Variants in NISCH observed in about 807,000 individuals in gnomAD.
NISCH encodes the protein nischarin.
A neutral mutation model predicts 138.4 loss-of-function variants in NISCH; 55 were observed. The ratio of observed to expected loss-of-function variants is 0.40; its 90% confidence interval spans 0.32 to 0.50. The LOEUF (loss-of-function observed/expected upper bound fraction) is 0.50. NISCH is among the 20% of genes least tolerant of loss of function. NISCH has a pLI of 0.71. For synonymous variants in NISCH, 860 were observed against 861.5 expected, an observed-to-expected ratio of 1.00 and a Z score of 0.03; for missense variants, 1,643 against 2,005.5, an observed-to-expected ratio of 0.82 and a Z score of 3.45.
chr3:52,480,626 G>A (rs931400483), intron 13 of NISCH: 23 of 1,425,830 alleles, frequency 1.6e-5, no homozygotes, highest in African/African-American at 4.3e-5. Flanking sequence ...TTCCCTCACC[G>A]GCAGCACAAG....
chr3:52,455,869 C>A (rs974188220), intron 1 of NISCH, 135 bp downstream of exon 1: 3 of 586,626 alleles, frequency 5.1e-6, no homozygotes, highest in African/African-American at 2.0e-5. Context: ...GAGGAGGGGG[C>A]TGGGACGGGG....
intron 14 of NISCH, among the ~76,000 whole-genome samples, chr3:52,485,156 G>T (rs926558440): frequency 1.4e-4 from 22 of 152,136 alleles, no homozygotes; most frequent in African/African-American, 4.8e-4. Context: ...TTTGTCCTGA[G>T]GAAAGACAGG....
chr3:52,480,532 G>C, intron 13 of NISCH: 1 of 1,493,088 alleles, frequency 6.7e-7, no homozygotes, highest in Non-Finnish European at 8.9e-7. Flanking sequence ...CCCACATCCA[G>C]CTCCTCTAGG....
At chr3:52,471,375 C>T (rs1052496812) in intron 4 of NISCH, 1 of 278,182 alleles carries the variant, frequency 3.6e-6, no homozygotes, top group Non-Finnish European at 6.9e-6. Context: ...GGAGCGAGGA[C>T]CAAGCAGCAG....
chr3:52,488,733 GC>G (rs1298462647), intron 16 of NISCH, 128 bp downstream of exon 16: 46 of 678,564 alleles, frequency 6.8e-5, no homozygotes, highest in Non-Finnish European at 8.0e-5. Flanking sequence ...CCTGCCCCTC[GC>G]CCCCCCCGGG....
In NISCH at chr3:52,472,366, C is replaced by T. The variant is rs748115354; in HGVS notation, c.637C>T (p.Leu213=). The change falls in exon 6 of 21, where the codon CTA becomes TTA. Residue 213 remains leucine, a synonymous_variant. Coordinates refer to ENST00000345716, the MANE Select transcript of NISCH (RefSeq NM_007184.4). ...NIQEQLLPFD[L]SIFKSLHQVE... is the part of the protein sequence containing the mutation. ...TCAGGAGCAGCTCCTGCCGTTCGAC[C>T]TATCAATATTCAAGTCCCTGCATCA... is the stretch of plus-strand genomic sequence containing the variant. The T allele has an allele frequency of 8.7e-6, 14 of 1,614,146 alleles. No individual in the cohort carries two copies. In the Admixed American group the frequency reaches 2.3e-4, roughly 27 times the overall value.
Position 52,487,056 on chromosome 3 carries a change from A to T in NISCH, c.1704-140A>T. The stretch of plus-strand genomic sequence containing the variant: ...ACCAGGGCCCTCATCCTGGGAACTG[A>T]CTTGGCCATGTGGGAGGCTTGGGAG... On this transcript the variant is annotated intron_variant, in intron 15 of 20. Coordinates refer to ENST00000345716, the MANE Select transcript of NISCH (RefSeq NM_007184.4). This position sits in a 1 kb window ranked among gnomAD's most constrained non-coding sequence, Gnocchi z 9.1. 2 of 941,844 alleles carry T rather than the reference A, an allele frequency of 2.1e-6. No individual in the cohort carries two copies. Among genetic ancestry groups the T allele is most frequent in the Non-Finnish European group, 3.1e-6 (2 of 640,196 alleles). The allele number at this position is 941,844 out of a possible 1,614,324, so 58.3% of individuals were successfully genotyped here.
chr3:52,468,473 G>A (rs1333471973), intron 3 of NISCH, among the ~76,000 whole-genome samples: 1 of 152,152 alleles, frequency 6.6e-6, no homozygotes, highest in East Asian at 1.9e-4. Flanking sequence ...TCTGTAGACG[G>A]GGCGTGGTTT....
intron 3 of NISCH, among the ~76,000 whole-genome samples, chr3:52,466,812 A>AT (rs1237009220): frequency 2.0e-5 from 3 of 152,142 alleles, no homozygotes; most frequent in Non-Finnish European, 4.4e-5. Flanking sequence ...CTTAGTGAGA[A>AT]TTTAAGTTGC....
At chr3:52,491,712 C>T in intron 20 of NISCH, 160 bp from the exon 21 acceptor site, 1 of 1,088,588 alleles carries the variant, frequency 9.2e-7, no homozygotes, top group Non-Finnish European at 1.3e-6. Context: ...GACACATCTC[C>T]AGTGCCTGCT....
intron 12 of NISCH, 121 bp from the exon 13 acceptor site, chr3:52,480,063 G>C (rs1322020921): frequency 1.7e-6 from 2 of 1,166,234 alleles, no homozygotes; most frequent in East Asian, 4.7e-5. Flanking sequence ...CTAAGGATAT[G>C]ATGAGACCAT....
intron 16 of NISCH, among the ~76,000 whole-genome samples, chr3:52,489,050 G>A (rs1044203879): frequency 6.6e-6 from 1 of 152,204 alleles, no homozygotes; most frequent in Non-Finnish European, 1.5e-5. Flanking sequence ...GCCAGGATCT[G>A]CCTTAGGCTT....
At chr3:52,466,123 A>G (rs1282439895) in intron 3 of NISCH, among the ~76,000 whole-genome samples, 1 of 152,180 alleles carries the variant, frequency 6.6e-6, no homozygotes. Flanking sequence ...GTGAATTACA[A>G]CAGATTTTCT....
intron 3 of NISCH, among the ~76,000 whole-genome samples, chr3:52,466,109 G>A (rs1167159569): frequency 1.3e-5 from 2 of 152,184 alleles, no homozygotes; most frequent in Admixed American, 1.3e-4. Flanking sequence ...AAAGTACTGA[G>A]GCTGTGAATT....
At chr3:52,468,991 A>C (rs991199529) in intron 3 of NISCH, among the ~76,000 whole-genome samples, 1 of 152,244 alleles carries the variant, frequency 6.6e-6, no homozygotes, top group African/African-American at 2.4e-5. Flanking sequence ...GTATATGCAG[A>C]CTGGGAGGAA....
At position 52,479,852 on chromosome 3, in the gene NISCH, C is replaced by T. The variant is rs1361454389; in HGVS notation, c.1406C>T (p.Pro469Leu). 1.2e-6 allele frequency: 2 copies of T among 1,612,694 alleles called. No individual in the cohort carries two copies. Among genetic ancestry groups the T allele is most frequent in the Non-Finnish European group, 1.7e-6 (2 of 1,179,172 alleles). ...GAGGTCAAGTCCAAACTGAGCAACCCAGAGAAGAAGGTGGGTTTGTGTGGC... is the reference window on the plus strand; with the variant it reads ...GAGGTCAAGTCCAAACTGAGCAACCTAGAGAAGAAGGTGGGTTTGTGTGGC... ...AKEVKSKLSNPEKKGGEDSRL... is the reference protein window; with the variant it reads ...AKEVKSKLSNLEKKGGEDSRL... The change falls in exon 12 of 21, where the codon CCA (proline) becomes CTA (leucine). Residue 469 changes from proline (P) to leucine (L), a missense_variant. By Grantham distance (98) the Pro-to-Leu change is moderately conservative. Transcript: ENST00000345716.
intron 13 of NISCH, 43 bp from the exon 14 acceptor site, chr3:52,484,470 C>G (rs1363439684): frequency 2.0e-6 from 2 of 988,162 alleles, no homozygotes; most frequent in African/African-American, 1.7e-5. Flanking sequence ...TCTCCCCGCC[C>G]CACCCACCCT....
rs377168283 is a variant in NISCH at position 52,476,590 on chromosome 3, C to T, written c.909C>T (p.Asp303=). The T allele has an allele frequency of 6.2e-6, 10 of 1,614,008 alleles. No individual in the cohort carries two copies. The highest frequency in any genetic ancestry group is 2.7e-5 in the African/African-American group (2 of 74,906). ...DLSHNSVSEI[D]ESVKLIPKIE... is the part of the protein sequence containing the mutation. ...GCCACAACAGCGTCTCCGAGATCGA[C>T]GAGTCTGTGGTATGCTCTCAGCAGC... Residue 303 remains aspartate, a synonymous_variant, in exon 8 of 21, where the codon GAC becomes GAT. Transcript: ENST00000345716.
At chr3:52,473,685 T>G (rs1035046901) in intron 6 of NISCH, 49 bp from the exon 7 acceptor site, 2 of 1,382,682 alleles carry the variant, frequency 1.4e-6, no homozygotes, top group Admixed American at 3.5e-5. Flanking sequence ...TGGGGACTTC[T>G]GACGGAGCAA....
Sources: allele counts gnomAD v4.1 joint callset (sites outside exome capture counted in the v4.1 genomes callset), GRCh38; gene constraint gnomAD v4.1.1; non-coding constraint Gnocchi (gnomAD v3.1); transcripts MANE v1.5; gene names NCBI Gene and HGNC (gene_info 2026-07-23, HGNC 2026-07-21).